ADGRL2: variants seen among roughly 807,000 people sequenced by gnomAD.
ADGRL2 encodes the protein adhesion G protein-coupled receptor L2.
ADGRL2 carries 44 observed loss-of-function variants against 157.4 expected under a neutral mutation model. That is an observed-to-expected ratio of 0.28 (90% CI 0.22 to 0.36). The LOEUF (loss-of-function observed/expected upper bound fraction) is 0.36, where lower values mean the gene tolerates loss of function less well. Ranked by LOEUF, ADGRL2 falls within the 10% of genes least tolerant of loss-of-function variation. The pLI is 1.00. For missense variants in ADGRL2, 1,510 were observed against 1,768.9 expected (o/e 0.85, Z 2.63); for synonymous variants, 585 against 624.7 (o/e 0.94, Z 0.95).
At position 81,991,114 on chromosome 1, in the gene ADGRL2, A is replaced by G. The variant is rs781166318; in HGVS notation, c.4379A>G (p.Glu1460Gly). Residue 1460 changes from glutamate (E) to glycine (G), a missense_variant, in exon 24 of 24, where the codon GAA becomes GGA. By Grantham distance (98) the Glu-to-Gly change is moderately conservative. Coordinates refer to ENST00000686636, the MANE Select transcript of ADGRL2 (RefSeq NM_001366006.2). Reference sequence around the variant, plus strand: ...TGTATTCCAGAAGGAGATGTTAGAGAAGGACAAATGCAGCTGGTTACAAGT... The same window carrying G: ...TGTATTCCAGAAGGAGATGTTAGAGGAGGACAAATGCAGCTGGTTACAAGT... ...EGCIPEGDVR[E>G]GQMQLVTSL 1.9e-6 allele frequency: 3 copies of G among 1,609,672 alleles called. No homozygotes were observed. The Admixed American group carries it at 5.0e-5, about 27-fold the overall frequency.
intron 3 of ADGRL2, among the ~76,000 whole-genome samples, chr1:81,680,593 A>G (rs1208363313): frequency 1.3e-5 from 2 of 152,046 alleles, no homozygotes; most frequent in Non-Finnish European, 2.9e-5. Flanking sequence ...AGATGGGGTA[A>G]TGAAAGGCAG....
chr1:81,931,936 G>A (rs1185910526), intron 3 of ADGRL2, among the ~76,000 whole-genome samples: 1 of 152,124 alleles, frequency 6.6e-6, no homozygotes, highest in Non-Finnish European at 1.5e-5. Flanking sequence ...AATAGCGCCT[G>A]ACCCCGAAAT....
intron 1 of ADGRL2, among the ~76,000 whole-genome samples, chr1:81,754,672 CCTTT>C (rs1385304960): frequency 7.1e-6 from 1 of 141,552 alleles, no homozygotes; most frequent in African/African-American, 2.9e-5. Context: ...CTCCCTTCCT[CCTTT>C]CCTCCCTTCC....
chr1:81,746,997 T>TACACACGTATACAC lies in ADGRL2; in HGVS notation c.-142-14812_-142-14811insACACGTATACACAC, dbSNP rs1198832771. Among the ~76,000 whole-genome samples the TACACACGTATACAC allele has an allele frequency of 5.9e-4, 85 of 143,364 alleles. 1 individual carries two copies. The highest frequency in any genetic ancestry group is 2.1e-3 in the African/African-American group (82 of 39,478). The allele number at this position is 143,364 out of a possible 152,430, so 94.1% of individuals were successfully genotyped here. ...ATACACACGTGTGTATATACGTATA[T>TACACACGTATACAC]ACGTGTATACACACGTATGTATACA... On this transcript the variant is annotated intron_variant, in intron 1 of 20. Transcript: ENST00000359929.
chr1:81,391,205 T>C (rs1358575202), intron 1 of ADGRL2, among the ~76,000 whole-genome samples: 3 of 152,300 alleles, frequency 2.0e-5, no homozygotes, highest in Admixed American at 2.0e-4. Flanking sequence ...TTTTGAGCAC[T>C]TATCCAGTGC....
At chr1:81,610,578 A>G (rs1311436795) in intron 3 of ADGRL2, among the ~76,000 whole-genome samples, 5 of 152,196 alleles carry the variant, frequency 3.3e-5, no homozygotes, top group Non-Finnish European at 7.3e-5. Context: ...AGTTTTTAGT[A>G]AGGGAGCAAC....
intron 1 of ADGRL2, among the ~76,000 whole-genome samples, chr1:81,441,285 A>G (rs1024259924): frequency 6.6e-6 from 1 of 152,214 alleles, no homozygotes; most frequent in Non-Finnish European, 1.5e-5. Flanking sequence ...TAGGTTAATT[A>G]TTGAATAAAT....
intron 1 of ADGRL2, among the ~76,000 whole-genome samples, chr1:81,387,718 G>A (rs1210386134): frequency 6.6e-6 from 1 of 152,074 alleles, no homozygotes; most frequent in Non-Finnish European, 1.5e-5. Context: ...TAATGATGTA[G>A]GTAGTATGGC....
intron 3 of ADGRL2, among the ~76,000 whole-genome samples, chr1:81,590,510 T>C (rs916090142): frequency 6.6e-6 from 1 of 151,984 alleles, no homozygotes; most frequent in Non-Finnish European, 1.5e-5. Context: ...AATCCTACCA[T>C]CCCCCTTGCT....
chr1:81,764,693 C>T (rs538178796), intron 2 of ADGRL2, among the ~76,000 whole-genome samples: 55 of 152,158 alleles, frequency 3.6e-4, no homozygotes, highest in Non-Finnish European at 6.3e-4. Flanking sequence ...CCAAGATTAG[C>T]TGTATGATTT....
chr1:81,328,096 T>A (rs900412129), intron 1 of ADGRL2, among the ~76,000 whole-genome samples: 1 of 152,138 alleles, frequency 6.6e-6, no homozygotes, highest in African/African-American at 2.4e-5. Flanking sequence ...ACACTGCCTT[T>A]CATTCAAAGT....
intron 1 of ADGRL2, among the ~76,000 whole-genome samples, chr1:81,324,541 T>A (rs1660755602): frequency 6.7e-6 from 1 of 149,230 alleles, no homozygotes; most frequent in African/African-American, 2.4e-5. Flanking sequence ...ATAATATTTT[T>A]AAAATTATAT....
In ADGRL2 at chr1:81,503,415, T is replaced by C. The variant is rs2078898919; in HGVS notation, c.-248+58326T>C. On this transcript the variant is annotated intron_variant, in intron 2 of 24. Coordinates refer to the ADGRL2 transcript ENST00000370721. The stretch of plus-strand genomic sequence containing the variant: ...GCAGCTCTCACTGTTCACCAAGTCC[T>C]ACCTCATCCCGGGGCACCCCCAGCG... The C allele has an allele frequency of 4.3e-6, 7 of 1,613,782 alleles. No homozygotes were observed. In the South Asian group the frequency reaches 7.7e-5, roughly 18 times the overall value.
intron 17 of ADGRL2, among the ~76,000 whole-genome samples, chr1:81,975,509 C>T (rs1300747898): frequency 6.6e-6 from 1 of 152,006 alleles, no homozygotes; most frequent in Non-Finnish European, 1.5e-5. Flanking sequence ...TCTTTGCCTG[C>T]CTTCCATTGA....
chr1:81,403,663 G>A (rs902319562), intron 1 of ADGRL2, among the ~76,000 whole-genome samples: 2 of 152,004 alleles, frequency 1.3e-5, no homozygotes, highest in African/African-American at 4.8e-5. Flanking sequence ...TGGAAAAATG[G>A]GTTTAAAATT....
At chr1:81,504,659 G>A (rs1384681450) in intron 2 of ADGRL2, among the ~76,000 whole-genome samples, 6 of 152,124 alleles carry the variant, frequency 3.9e-5, no homozygotes, top group Admixed American at 6.5e-5. Flanking sequence ...TCACGGGGGC[G>A]GGGAGGTGGA....
At chr1:81,819,257 A>G (rs1440393247) in intron 1 of ADGRL2, among the ~76,000 whole-genome samples, 1 of 152,104 alleles carries the variant, frequency 6.6e-6, no homozygotes, top group Non-Finnish European at 1.5e-5. Flanking sequence ...AGAATTTGGC[A>G]TTTGATTGAA....
intron 1 of ADGRL2, among the ~76,000 whole-genome samples, chr1:81,441,406 C>G (rs1049290843): frequency 1.3e-5 from 2 of 152,136 alleles, no homozygotes; most frequent in African/African-American, 2.4e-5. Context: ...TAATCAATTA[C>G]CTAATGTCTA....
chr1:81,387,914 C>A (rs1557649353), intron 1 of ADGRL2, among the ~76,000 whole-genome samples: 1 of 152,012 alleles, frequency 6.6e-6, no homozygotes, highest in Non-Finnish European at 1.5e-5. Context: ...GTATTTTTAC[C>A]TTTTCCTCCC....
Sources: gnomAD v4.1 joint callset for allele counts (sites outside exome capture counted in the v4.1 genomes callset) on GRCh38, gnomAD v4.1.1 for gene constraint, MANE v1.5 for transcripts, NCBI Gene and HGNC (gene_info 2026-07-23, HGNC 2026-07-21) for gene names.